The following LONRF3 variants were observed in gnomAD, a reference collection of about 807,000 sequenced individuals.
LONRF3 encodes the protein LON peptidase N-terminal domain and RING finger protein 3.
In LONRF3, 19 loss-of-function variants were observed where a neutral mutation model predicts 51.7. The observed-to-expected ratio is 0.37, with a 90% confidence interval of 0.26 to 0.54. The LOEUF is 0.54. LONRF3 is among the 20% of genes least tolerant of loss of function. The pLI is 0.86. For synonymous variants in LONRF3, 265 were observed against 257.8 expected (o/e 1.03, Z -0.27); for missense variants, 521 against 623.9 (o/e 0.84, Z 1.76).
intron 2 of LONRF3, among the ~76,000 whole-genome samples, 188 bp from the exon 3 acceptor site, chrX:118,982,633 G>A (rs1922652472): frequency 1.8e-5 from 2 of 112,041 alleles, no homozygotes; most frequent in African/African-American, 6.5e-5. Flanking sequence ...GCAAGTTAAC[G>A]TTTTTGGGTT....
At chrX:118,984,805 A>G (rs1036939392) in intron 3 of LONRF3, among the ~76,000 whole-genome samples, 2 of 112,323 alleles carry the variant, frequency 1.8e-5, no homozygotes, top group Non-Finnish European at 3.8e-5. Flanking sequence ...CATGGCGGCG[A>G]TTCAGAACAT....
intron 7 of LONRF3, among the ~76,000 whole-genome samples, chrX:119,010,909 T>C (rs1235281778): frequency 9.2e-6 from 1 of 108,442 alleles, no homozygotes; most frequent in East Asian, 2.9e-4. Flanking sequence ...AGGTCAGGAG[T>C]TCAAGACCAG....
At chrX:118,980,230 A>G (rs34587594) in intron 2 of LONRF3, among the ~76,000 whole-genome samples, 1,133 of 112,105 alleles carry the variant, frequency 0.01, 14 homozygotes, top group African/African-American at 0.034. Context: ...TTGTAAGACC[A>G]GAGGTGTTCA....
intron 6 of LONRF3, among the ~76,000 whole-genome samples, chrX:119,006,953 A>G (rs1207301962): frequency 9.4e-6 from 1 of 106,458 alleles, no homozygotes; most frequent in Middle Eastern, 5.2e-3. Flanking sequence ...CGAACTCCTG[A>G]CCTCAGGTGA....
chrX:118,988,470 A>G (rs1414984838), intron 3 of LONRF3, among the ~76,000 whole-genome samples: 1 of 111,679 alleles, frequency 9.0e-6, no homozygotes, highest in Non-Finnish European at 1.9e-5. Flanking sequence ...GTATTGCTGT[A>G]GTGCTGGAGA....
intron 5 of LONRF3, among the ~76,000 whole-genome samples, chrX:118,993,572 G>A (rs1362501322): frequency 8.9e-6 from 1 of 111,931 alleles, no homozygotes; most frequent in Non-Finnish European, 1.9e-5. Context: ...ACCTGTGGAA[G>A]AAGAAAATTC....
chrX:118,982,210 A>C (rs1922618991), intron 2 of LONRF3, among the ~76,000 whole-genome samples: 1 of 111,928 alleles, frequency 8.9e-6, no homozygotes, highest in Admixed American at 9.5e-5. Context: ...GCCCCTGGTT[A>C]GCCCTCTGAA....
rs968407106 is a variant in LONRF3, at chrX:118,974,919, G to A, written c.139G>A (p.Ala47Thr). The A allele has an allele frequency of 1.0e-5, 12 of 1,188,390 alleles. No homozygotes were observed. The highest frequency in any genetic ancestry group is 1.9e-5 in the South Asian group (1 of 54,045). The change falls in exon 1 of 11, where the codon GCA (alanine) becomes ACA (threonine). Residue 47 changes from alanine (A) to threonine (T), a missense_variant. This residue lies in a region of LONRF3 where 376 missense variants were observed against 376.7 expected (regional missense o/e 1.00). Transcript: ENST00000371628. ...CCCAAAGGTGGCTGCAGAGGGCCCC[G>A]CACCTCTACCGACGCGGGAGCCAGA... ...PHPKVAAEGP[A>T]PLPTREPEQE...
chrX:119,011,710 G>C, intron 7 of LONRF3, 105 bp from the exon 8 acceptor site: 2 of 821,127 alleles, frequency 2.4e-6, no homozygotes, highest in South Asian at 2.5e-5. Context: ...AAACAAACTT[G>C]GTGTCTCTGC....
At position 118,975,588 on chromosome X, in the gene LONRF3, G is replaced by C. The variant is rs1195422980; in HGVS notation, c.808G>C (p.Val270Leu). The change falls in exon 1 of 11, where the codon GTT becomes CTT. Residue 270 changes from valine (V) to leucine (L), a missense_variant. Physicochemically the swap from Val to Leu is conservative, Grantham distance 32. Around this residue, in one of 2 missense-constraint regions of LONRF3, gnomAD observed 376 missense variants for 376.7 expected, o/e 1.00. Transcript: ENST00000371628. Reference sequence around the variant, plus strand: ...GGCACTGCTCAAGTACAACGAGGCAGTTAAGTTGGGTGAGTCCAACGCGCT... The same window carrying C: ...GGCACTGCTCAAGTACAACGAGGCACTTAAGTTGGGTGAGTCCAACGCGCT... ...EAALLKYNEAVKLAPNDHLLY... is the reference protein window; with the variant it reads ...EAALLKYNEALKLAPNDHLLY... 8 of 1,166,750 alleles carry C rather than the reference G, an allele frequency of 6.9e-6. No individual in the cohort carries two copies. Among genetic ancestry groups the C allele is most frequent in the Non-Finnish European group, 9.1e-6 (8 of 874,496 alleles).
At chrX:119,002,232 C>T (rs1483926507) in intron 5 of LONRF3, among the ~76,000 whole-genome samples, 1 of 112,138 alleles carries the variant, frequency 8.9e-6, no homozygotes, top group Non-Finnish European at 1.9e-5. Flanking sequence ...ACCCATATGC[C>T]TCTTCCCAAT....
At chrX:118,991,623 T>G (rs1458691977) in intron 5 of LONRF3, among the ~76,000 whole-genome samples, 1 of 112,129 alleles carries the variant, frequency 8.9e-6, no homozygotes, top group African/African-American at 3.2e-5. Context: ...TTTTTAAAAT[T>G]GCTTACATGT....
At chrX:119,010,412 G>A (rs997383260) in intron 7 of LONRF3, among the ~76,000 whole-genome samples, 2 of 111,728 alleles carry the variant, frequency 1.8e-5, no homozygotes, top group African/African-American at 3.3e-5. Context: ...GAGAACATTC[G>A]TAAACTCTGC....
In LONRF3 at chrX:118,975,285, G is replaced by A; in HGVS notation, c.505G>A (p.Val169Met). Residue 169 changes from valine to methionine, a missense_variant, in exon 1 of 11, where the codon GTG becomes ATG. This residue lies in a region of LONRF3 where 376 missense variants were observed against 376.7 expected (regional missense o/e 1.00). Transcript: ENST00000371628. Reference protein sequence around the residue: ...RKCHGFLSDPVSLSCGHTFCK... With the variant: ...RKCHGFLSDPMSLSCGHTFCK... ...ATGTCATGGGTTTCTATCAGACCCC[G>A]TGTCCTTGTCGTGTGGCCACACCTT... 8.3e-7 allele frequency: 1 copy of A among 1,210,285 alleles called. No individual in the cohort carries two copies. The highest frequency in any genetic ancestry group is 3.0e-5 in the East Asian group (1 of 33,755).
At chrX:118,983,697 G>A (rs1392244374) in intron 3 of LONRF3, among the ~76,000 whole-genome samples, 1 of 112,108 alleles carries the variant, frequency 8.9e-6, no homozygotes, top group Non-Finnish European at 1.9e-5. Flanking sequence ...GACAGTTGGC[G>A]GTTGTCTCTG....
At chrX:118,989,182 G>A (rs960719739) in intron 3 of LONRF3, among the ~76,000 whole-genome samples, 1 of 111,459 alleles carries the variant, frequency 9.0e-6, no homozygotes, top group Non-Finnish European at 1.9e-5. Context: ...GCCTAAGGAA[G>A]TTCCCTAACT....
chrX:118,978,878 A>G (rs143377151), intron 2 of LONRF3, among the ~76,000 whole-genome samples: 287 of 111,512 alleles, frequency 2.6e-3, no homozygotes, highest in South Asian at 0.011. Context: ...AGGATTACAT[A>G]AGCTAATAAT....
chrX:118,976,116 C>T (rs1922022205), intron 1 of LONRF3, among the ~76,000 whole-genome samples: 2 of 112,878 alleles, frequency 1.8e-5, no homozygotes, highest in Non-Finnish European at 3.8e-5. Context: ...GATGTCCGGT[C>T]GGCGCCTGCG....
In LONRF3 at chrX:118,999,148, T is replaced by A. The variant is rs776482880; in HGVS notation, c.1416-6973T>A. Reference sequence around the variant, plus strand: ...ACCTGAAATGTGGACCTTCTTTCTCTTAAAAAAAATTTTAGGTGCCAGATT... The same window carrying A: ...ACCTGAAATGTGGACCTTCTTTCTCATAAAAAAAATTTTAGGTGCCAGATT... On this transcript the variant is annotated intron_variant, in intron 5 of 10. Coordinates refer to ENST00000371628, the MANE Select transcript of LONRF3 (RefSeq NM_001031855.3). 3.6e-5 allele frequency among the ~76,000 whole-genome samples: 4 copies of A among 111,878 alleles called. No homozygotes were observed. In the East Asian group the frequency reaches 8.4e-4, roughly 23 times the overall value.
Sources: gnomAD v4.1 joint callset for allele counts (sites outside exome capture counted in the v4.1 genomes callset) on GRCh38, gnomAD v4.1.1 for gene constraint, gnomAD v4.1.1 regional missense constraint, MANE v1.5 for transcripts, NCBI Gene and HGNC (gene_info 2026-07-23, HGNC 2026-07-21) for gene names.